Variants in ACTL8 observed in about 807,000 individuals in gnomAD.
The protein encoded by ACTL8 is actin like 8.
A neutral mutation model predicts 9.3 loss-of-function variants in ACTL8; 3 were observed. That is an observed-to-expected ratio of 0.32 (90% confidence interval 0.15 to 0.83). The LOEUF is 0.83. ACTL8 is among the 40% of genes least tolerant of loss of function. The pLI is 0.57. For missense variants in ACTL8, 381 were observed against 492.2 expected, an observed-to-expected ratio of 0.77 and a Z score of 2.14; for synonymous variants, 224 against 205.9, an observed-to-expected ratio of 1.09 and a Z score of -0.75.
intron 1 of ACTL8, among the ~76,000 whole-genome samples, chr1:17,790,832 C>T (rs1478311859): frequency 2.6e-5 from 4 of 152,260 alleles, no homozygotes; most frequent in Non-Finnish European, 5.9e-5. Context: ...CCCTCCTGTG[C>T]TCATCAGCAT....
intron 1 of ACTL8, among the ~76,000 whole-genome samples, chr1:17,806,117 C>G (rs965874207): frequency 6.6e-6 from 1 of 152,150 alleles, no homozygotes. Context: ...GCCGGGATGT[C>G]GAGCGATTAA....
chr1:17,788,874 G>A (rs982965212), intron 1 of ACTL8, among the ~76,000 whole-genome samples: 2 of 152,214 alleles, frequency 1.3e-5, no homozygotes, highest in South Asian at 2.1e-4. Flanking sequence ...TGAGGTGGGA[G>A]GGGCAGGGCC....
intron 1 of ACTL8, among the ~76,000 whole-genome samples, chr1:17,773,515 T>C (rs951958836): frequency 9.9e-5 from 15 of 152,236 alleles, no homozygotes; most frequent in Admixed American, 4.6e-4. Flanking sequence ...AGCTCTACCC[T>C]TATGCGTTTA....
intron 1 of ACTL8, among the ~76,000 whole-genome samples, chr1:17,772,173 A>G (rs529592278): frequency 1.3e-5 from 2 of 152,356 alleles, no homozygotes; most frequent in South Asian, 2.1e-4. Context: ...GAATCAACAC[A>G]TGAGAAGTTT....
rs1557427870 is a variant in ACTL8, at chr1:17,767,066, A to G, written c.-25+11562A>G. Among the ~76,000 whole-genome samples, 2 of 152,162 alleles carry G rather than the reference A, an allele frequency of 1.3e-5. No homozygotes were observed. The highest frequency in any genetic ancestry group is 2.4e-5 in the African/African-American group (1 of 41,436). On this transcript the variant is annotated intron_variant, in intron 1 of 2. Transcript: ENST00000375406. This position sits in a 1 kb window ranked among gnomAD's most constrained non-coding sequence, Gnocchi z 4.7. ...ATGAATGGAACGGGAACAGAGAGTG[A>G]TGAAGAAGGTGACTTTGGCCACAGT...
At chr1:17,766,573 C>T (rs1380183278) in intron 1 of ACTL8, among the ~76,000 whole-genome samples, 2 of 152,142 alleles carry the variant, frequency 1.3e-5, no homozygotes. Flanking sequence ...TGTCAGGCAC[C>T]GTCCTAATTG....
chr1:17,814,873 A>G (rs1288132530), intron 1 of ACTL8, among the ~76,000 whole-genome samples: 1 of 152,228 alleles, frequency 6.6e-6, no homozygotes, highest in East Asian at 1.9e-4. Context: ...ACATACCATT[A>G]TGTTACAATT....
chr1:17,826,864 GAGT>G lies in ACTL8; in HGVS notation c.*348_*350del. 5.6e-6 allele frequency: 1 copy of G among 177,876 alleles called. No homozygotes were observed. Among genetic ancestry groups the G allele is most frequent in the Non-Finnish European group, 1.2e-5 (1 of 85,242 alleles). 11.0% of individuals were successfully genotyped at this position (177,876 alleles called of 1,614,324 possible). A position where few individuals can be genotyped will look rare whatever the true frequency, so the allele number is the denominator to read the frequency against. On this transcript the variant is annotated 3_prime_UTR_variant, in exon 3 of 3. Transcript: ENST00000375406. The surrounding 1 kb of genome is among the most constrained non-coding windows in gnomAD (Gnocchi z 4.5). ...CTGGTTTGTCTCATTCTTCTTGGTT[GAGT>G]AGGTTTTAACTGGGGTAGCACTCCT...
intron 1 of ACTL8, among the ~76,000 whole-genome samples, chr1:17,802,678 G>C (rs2066330107): frequency 6.6e-6 from 1 of 152,124 alleles, no homozygotes; most frequent in Non-Finnish European, 1.5e-5. Context: ...TTGCAGAAAA[G>C]ATATCTTCAA....
At chr1:17,802,069 A>G (rs1268623268) in intron 1 of ACTL8, among the ~76,000 whole-genome samples, 1 of 152,226 alleles carries the variant, frequency 6.6e-6, no homozygotes, top group East Asian at 1.9e-4. Context: ...AAACAAGAAA[A>G]TGGATGCCCT....
At chr1:17,813,785 T>G (rs1325147753) in intron 1 of ACTL8, among the ~76,000 whole-genome samples, 1 of 152,264 alleles carries the variant, frequency 6.6e-6, no homozygotes, top group African/African-American at 2.4e-5. Context: ...CTAAAAAGTC[T>G]ATTTCTAATA....
chr1:17,816,619 C>T (rs1339244522), intron 1 of ACTL8, among the ~76,000 whole-genome samples: 1 of 152,182 alleles, frequency 6.6e-6, no homozygotes, highest in Admixed American at 6.5e-5. Context: ...CCTTCAGTCA[C>T]CCCTGTTGCA....
At chr1:17,816,759 A>G (rs975313465) in intron 1 of ACTL8, among the ~76,000 whole-genome samples, 9 of 152,266 alleles carry the variant, frequency 5.9e-5, no homozygotes, top group African/African-American at 1.9e-4. Flanking sequence ...GTGCCCGTTC[A>G]TATATAGAAT....
intron 1 of ACTL8, among the ~76,000 whole-genome samples, chr1:17,761,952 G>T (rs971584821): frequency 1.4e-4 from 21 of 151,992 alleles, no homozygotes; most frequent in African/African-American, 5.1e-4. Context: ...CTCATCTCAG[G>T]TGGGAAGGTC....
chr1:17,771,074 C>T (rs964157043), intron 1 of ACTL8, among the ~76,000 whole-genome samples: 7 of 152,092 alleles, frequency 4.6e-5, no homozygotes, highest in Non-Finnish European at 8.8e-5. Flanking sequence ...AGAACAGGGG[C>T]GGCAAACTTT....
At position 17,785,780 on chromosome 1, in the gene ACTL8, T is replaced by A. The variant is rs147132052; in HGVS notation, c.-25+30276T>A. ...GTGTGTTAGTTTTTTCCTTGTTGCATAACAAATGACTACAGATTTAGAGGC... is the reference window on the plus strand; with the variant it reads ...GTGTGTTAGTTTTTTCCTTGTTGCAAAACAAATGACTACAGATTTAGAGGC... On this transcript the variant is annotated intron_variant, in intron 1 of 2. Transcript: ENST00000375406. Among the ~76,000 whole-genome samples the A allele has an allele frequency of 5.9e-3, 892 of 152,356 alleles. 4 individuals are homozygous for A. The highest frequency in any genetic ancestry group is 9.3e-3 in the Admixed American group (142 of 15,310).
chr1:17,759,032 C>T (rs2065984433), intron 1 of ACTL8, among the ~76,000 whole-genome samples: 1 of 152,186 alleles, frequency 6.6e-6, no homozygotes, highest in African/African-American at 2.4e-5. Context: ...TGAGTGAGAA[C>T]TTACAAGGAT....
At chr1:17,762,800 A>G (rs914729418) in intron 1 of ACTL8, among the ~76,000 whole-genome samples, 2 of 151,714 alleles carry the variant, frequency 1.3e-5, no homozygotes, top group Admixed American at 6.6e-5. Context: ...GTGACTCCTG[A>G]GCTGTGGGCC....
intron 1 of ACTL8, among the ~76,000 whole-genome samples, chr1:17,768,185 T>A (rs887022577): frequency 3.5e-4 from 1 of 2,850 alleles, no homozygotes; most frequent in African/African-American, 1.1e-3. Flanking sequence ...CAGGTGGGGG[T>A]GGGTGGGTGG....
Sources: allele counts gnomAD v4.1 joint callset (sites outside exome capture counted in the v4.1 genomes callset), GRCh38; gene constraint gnomAD v4.1.1; non-coding constraint Gnocchi (gnomAD v3.1); transcripts MANE v1.5; gene names NCBI Gene and HGNC (gene_info 2026-07-23, HGNC 2026-07-21).